Variants in LRMDA observed in about 807,000 individuals in gnomAD.
The protein encoded by LRMDA is leucine rich melanocyte differentiation associated, also known as leucine-rich melanocyte differentiation-associated protein.
A neutral mutation model predicts 29.8 loss-of-function variants in LRMDA; 18 were observed. The observed-to-expected ratio is 0.60, with a 90% CI of 0.42 to 0.90. The LOEUF (loss-of-function observed/expected upper bound fraction) is 0.90. LRMDA is among the 40% of genes least tolerant of loss of function. The pLI is 0.00. For synonymous variants in LRMDA, 125 were observed against 109.4 expected, an observed-to-expected ratio of 1.14 and a Z score of -0.89; for missense variants, 273 against 273.9, an observed-to-expected ratio of 1.00 and a Z score of 0.02.
At chr10:75,593,034 C>T (rs1045844241) in intron 2 of LRMDA, among the ~76,000 whole-genome samples, 2 of 152,134 alleles carry the variant, frequency 1.3e-5, no homozygotes, top group East Asian at 3.9e-4. Flanking sequence ...GCCAAAGGTT[C>T]TGTCAAGCCG....
chr10:76,327,685 C>T (rs1840853074), intron 6 of LRMDA, among the ~76,000 whole-genome samples: 1 of 152,168 alleles, frequency 6.6e-6, no homozygotes, highest in Non-Finnish European at 1.5e-5. Flanking sequence ...GGGTGAGTAT[C>T]TTAGTCACCT....
chr10:76,186,701 G>C (rs1851156653), intron 5 of LRMDA, among the ~76,000 whole-genome samples: 1 of 152,164 alleles, frequency 6.6e-6, no homozygotes, highest in Non-Finnish European at 1.5e-5. Flanking sequence ...TAGTTACTGT[G>C]TGCTAGGTAG....
At chr10:75,471,267 G>T (rs1298812375) in intron 2 of LRMDA, among the ~76,000 whole-genome samples, 1 of 151,818 alleles carries the variant, frequency 6.6e-6, no homozygotes, top group Non-Finnish European at 1.5e-5. Context: ...CACAGCTCCT[G>T]CCTTCAGGAA....
intron 2 of LRMDA, among the ~76,000 whole-genome samples, chr10:75,537,022 A>G (rs1157616019): frequency 6.6e-6 from 1 of 152,214 alleles, no homozygotes; most frequent in East Asian, 1.9e-4. Flanking sequence ...TAGAATTGCC[A>G]GGGAGCACAG....
intron 6 of LRMDA, among the ~76,000 whole-genome samples, chr10:76,386,445 G>A (rs999005736): frequency 9.2e-5 from 14 of 152,160 alleles, no homozygotes; most frequent in African/African-American, 3.4e-4. Context: ...ACTAAAATGT[G>A]ATAATAGGGA....
chr10:76,087,716 A>C (rs1849160095), intron 5 of LRMDA, among the ~76,000 whole-genome samples: 1 of 152,196 alleles, frequency 6.6e-6, no homozygotes, highest in African/African-American at 2.4e-5. Flanking sequence ...AAACAGGACC[A>C]ATGAACTGCA....
At chr10:76,048,952 C>T (rs1848486779) in intron 4 of LRMDA, among the ~76,000 whole-genome samples, 1 of 152,038 alleles carries the variant, frequency 6.6e-6, no homozygotes. Flanking sequence ...GGCTTGAAAC[C>T]ACCTTTCCTT....
chr10:76,488,692 T>C (rs1842805615), intron 6 of LRMDA, among the ~76,000 whole-genome samples: 1 of 151,904 alleles, frequency 6.6e-6, no homozygotes, highest in Non-Finnish European at 1.5e-5. Flanking sequence ...AACTATTTTC[T>C]AAAGGAACTG....
intron 5 of LRMDA, among the ~76,000 whole-genome samples, chr10:76,147,417 C>A (rs994394056): frequency 6.6e-6 from 1 of 152,086 alleles, no homozygotes; most frequent in African/African-American, 2.4e-5. Context: ...CTTCTCTTCT[C>A]GCTTCATTTC....
At chr10:76,267,948 G>A (rs7082700) in intron 5 of LRMDA, among the ~76,000 whole-genome samples, 10,098 of 152,108 alleles carry the variant, frequency 0.066, 867 homozygotes, top group African/African-American at 0.2. Context: ...ATAGGTTGAC[G>A]TAATATTACA....
intron 2 of LRMDA, among the ~76,000 whole-genome samples, chr10:75,851,068 A>C (rs1381501684): frequency 6.6e-6 from 1 of 152,192 alleles, no homozygotes. Context: ...ATGATTGAAT[A>C]TGATTGGGTA....
intron 2 of LRMDA, among the ~76,000 whole-genome samples, chr10:75,680,537 C>G (rs1842011063): frequency 1.3e-5 from 2 of 152,184 alleles, no homozygotes; most frequent in South Asian, 4.2e-4. Flanking sequence ...CAGCACATCT[C>G]AAACCTTCTT....
rs1173567696 is a variant in LRMDA at position 76,549,151 on chromosome 10, G to A, written c.602-8058G>A. ...GACAAGCCTCATTTCAGCTGCCCTG[G>A]GAGCCCAGGGTATGTTTTCTTGAGG... On this transcript the variant is annotated intron_variant, in intron 6 of 6. Coordinates refer to ENST00000611255, the MANE Select transcript of LRMDA (RefSeq NM_001305581.2). 2.0e-5 allele frequency among the ~76,000 whole-genome samples: 3 copies of A among 152,024 alleles called. No individual in the cohort carries two copies. In the East Asian group the frequency reaches 5.8e-4, roughly 29 times the overall value.
chr10:76,316,890 C>G (rs549215238), intron 5 of LRMDA, among the ~76,000 whole-genome samples: 1 of 152,292 alleles, frequency 6.6e-6, no homozygotes, highest in South Asian at 2.1e-4. Flanking sequence ...TAAAACTACC[C>G]ATGCTATTAG....
At chr10:76,152,848 C>CT (rs35311480) in intron 5 of LRMDA, among the ~76,000 whole-genome samples, 43,150 of 148,008 alleles carry the variant, frequency 0.29, 6,385 homozygotes, top group East Asian at 0.37. Context: ...CATTTTTTGG[C>CT]TTTTTTTTTT....
At position 75,438,627 on chromosome 10, in the gene LRMDA, G is replaced by T. The variant is rs1449848380; in HGVS notation, c.131+133G>T. ...CCTTTTATTCAGCAGAAGGCTCTGAGATGCGTGGAATCACACCCCAAAGGT... is the reference window on the plus strand; with the variant it reads ...CCTTTTATTCAGCAGAAGGCTCTGATATGCGTGGAATCACACCCCAAAGGT... On this transcript the variant is annotated intron_variant, in intron 2 of 6. Transcript: ENST00000611255. The T allele has an allele frequency of 4.0e-5, 27 of 681,628 alleles. No homozygotes were observed. In the East Asian group the frequency reaches 7.1e-4, roughly 18 times the overall value. The allele number at this position is 681,628 out of a possible 1,614,324, so 42.2% of individuals were successfully genotyped here. A position where few individuals can be genotyped will look rare whatever the true frequency, so the allele number is the denominator to read the frequency against.
intron 2 of LRMDA, among the ~76,000 whole-genome samples, chr10:76,014,707 CTCCTT>C (rs1383557781): frequency 6.6e-6 from 1 of 152,208 alleles, no homozygotes; most frequent in East Asian, 1.9e-4. Flanking sequence ...ACAACTTAGG[CTCCTT>C]CTAAAGCTTA....
intron 5 of LRMDA, among the ~76,000 whole-genome samples, chr10:76,153,698 C>A (rs1850488021): frequency 6.6e-6 from 1 of 152,194 alleles, no homozygotes; most frequent in African/African-American, 2.4e-5. Context: ...GTTTAAATCA[C>A]ATACTAGCCT....
chr10:75,620,898 G>A (rs955763251), intron 2 of LRMDA, among the ~76,000 whole-genome samples: 3 of 152,106 alleles, frequency 2.0e-5, no homozygotes, highest in Non-Finnish European at 4.4e-5. Flanking sequence ...ACATGAATAA[G>A]TTCTTTGGTG....
Sources: allele counts gnomAD v4.1 joint callset (sites outside exome capture counted in the v4.1 genomes callset), GRCh38; gene constraint gnomAD v4.1.1; transcripts MANE v1.5; gene names NCBI Gene and HGNC (gene_info 2026-07-23, HGNC 2026-07-21).